Variants in SEMA5A observed in about 807,000 individuals in gnomAD.
SEMA5A encodes the protein semaphorin 5A.
A neutral mutation model predicts 135.5 loss-of-function variants in SEMA5A; 55 were observed. That is an observed-to-expected ratio of 0.41 (90% CI 0.33 to 0.51). The LOEUF is 0.51. Ranked by LOEUF, SEMA5A falls within the 20% of genes least tolerant of loss-of-function variation. The pLI, the probability that SEMA5A is intolerant of heterozygous loss-of-function variation, is 0.37. For missense variants in SEMA5A, 1,290 were observed against 1,419.9 expected (o/e 0.91, Z 1.47); for synonymous variants, 580 against 546.5 (o/e 1.06, Z -0.85).
chr5:9,133,996 G>A (rs999142577), intron 13 of SEMA5A, among the ~76,000 whole-genome samples: 3 of 151,984 alleles, frequency 2.0e-5, no homozygotes, highest in African/African-American at 7.3e-5. Flanking sequence ...AGATCTGATG[G>A]TTTAAAAGTG....
chr5:9,156,061 A>C (rs901751257), intron 11 of SEMA5A, among the ~76,000 whole-genome samples: 2 of 152,210 alleles, frequency 1.3e-5, no homozygotes, highest in African/African-American at 4.8e-5. Flanking sequence ...GATCTTGAGG[A>C]AAGAGCATGT....
At chr5:9,239,809 C>T (rs540779919) in intron 5 of SEMA5A, among the ~76,000 whole-genome samples, 4 of 151,994 alleles carry the variant, frequency 2.6e-5, no homozygotes, top group South Asian at 2.1e-4. Context: ...GAGTCATTCA[C>T]GGTGGCTTTC....
intron 11 of SEMA5A, among the ~76,000 whole-genome samples, chr5:9,170,922 G>C (rs916727859): frequency 3.3e-5 from 5 of 152,092 alleles, no homozygotes; most frequent in African/African-American, 4.8e-5. Flanking sequence ...TTGACATGAA[G>C]CCTACACTCT....
chr5:9,339,204 C>T (rs1359274784), intron 3 of SEMA5A, among the ~76,000 whole-genome samples: 1 of 152,124 alleles, frequency 6.6e-6, no homozygotes, highest in Non-Finnish European at 1.5e-5. Flanking sequence ...GCACTAGTAT[C>T]TTTAAACAGG....
At chr5:9,045,540 A>G (rs1305545682) in intron 21 of SEMA5A, among the ~76,000 whole-genome samples, 1 of 152,218 alleles carries the variant, frequency 6.6e-6, no homozygotes, top group Non-Finnish European at 1.5e-5. Flanking sequence ...AGAGGTAACT[A>G]TTATAAGCAC....
intron 2 of SEMA5A, among the ~76,000 whole-genome samples, chr5:9,425,233 T>G (rs1757606479): frequency 6.6e-6 from 1 of 152,236 alleles, no homozygotes; most frequent in Non-Finnish European, 1.5e-5. Flanking sequence ...GACAATACTT[T>G]TTTTATTTAT....
At chr5:9,437,200 C>T (rs115165798) in intron 2 of SEMA5A, among the ~76,000 whole-genome samples, 5 of 152,262 alleles carry the variant, frequency 3.3e-5, no homozygotes, top group African/African-American at 7.2e-5. Context: ...CACACTGGGG[C>T]GCAGAAGATG....
At chr5:9,454,732 T>A (rs1459430009) in intron 1 of SEMA5A, among the ~76,000 whole-genome samples, 1 of 152,234 alleles carries the variant, frequency 6.6e-6, no homozygotes, top group Non-Finnish European at 1.5e-5. Context: ...AGCAATGTTT[T>A]CCTCTGTATT....
At chr5:9,337,351 T>C (rs1476935837) in intron 4 of SEMA5A, among the ~76,000 whole-genome samples, 2 of 152,166 alleles carry the variant, frequency 1.3e-5, no homozygotes, top group Non-Finnish European at 2.9e-5. Context: ...AGGTCCATCT[T>C]TTCTTAGGCA....
intron 5 of SEMA5A, among the ~76,000 whole-genome samples, chr5:9,256,404 A>G (rs1219277349): frequency 1.3e-5 from 2 of 151,932 alleles, no homozygotes; most frequent in African/African-American, 2.4e-5. Context: ...CCCTCTTCCA[A>G]ACCTTTGTAT....
At chr5:9,075,637 G>T (rs146017353) in intron 16 of SEMA5A, among the ~76,000 whole-genome samples, 2 of 151,404 alleles carry the variant, frequency 1.3e-5, no homozygotes, top group African/African-American at 4.9e-5. Flanking sequence ...GAGACAGAAA[G>T]CAATCAGTGC....
At chr5:9,044,045 T>A (rs1010077203) in intron 22 of SEMA5A, among the ~76,000 whole-genome samples, 1 of 152,198 alleles carries the variant, frequency 6.6e-6, no homozygotes, top group African/African-American at 2.4e-5. Context: ...ATTCCCCAGA[T>A]CTACCATCTG....
Position 9,360,231 on chromosome 5 carries a change from G to C in SEMA5A, c.124+19592C>G, listed in dbSNP as rs113896009. 4.0e-3 allele frequency among the ~76,000 whole-genome samples: 611 copies of C among 152,300 alleles called. 6 individuals carry two copies. Among genetic ancestry groups the C allele is most frequent in the African/African-American group, 0.014 (578 of 41,562 alleles). ...CATCAGGTATGCACACACCTGCAGA[G>C]ATAATGTGTACAGTGTTCTCCAGAG... On this transcript the variant is annotated intron_variant, in intron 3 of 22. Coordinates refer to ENST00000382496, the MANE Select transcript of SEMA5A (RefSeq NM_003966.3).
intron 5 of SEMA5A, among the ~76,000 whole-genome samples, chr5:9,293,317 TAA>T (rs1399061226): frequency 2.0e-5 from 3 of 152,238 alleles, no homozygotes; most frequent in Non-Finnish European, 4.4e-5. Context: ...GCCATCCAGG[TAA>T]CTGCCTCCTT....
chr5:9,197,326 A>AGG (rs1377402766), intron 9 of SEMA5A, 23 bp from the exon 10 acceptor site: 2 of 1,357,506 alleles, frequency 1.5e-6, no homozygotes, highest in African/African-American at 3.0e-5. Flanking sequence ...GGAGAGAGAG[A>AGG]AGGCAGTCAG....
chr5:9,111,819 G>C (rs1168218383), intron 15 of SEMA5A, among the ~76,000 whole-genome samples: 3 of 152,188 alleles, frequency 2.0e-5, no homozygotes, highest in Non-Finnish European at 4.4e-5. Flanking sequence ...TTGTGAGAAA[G>C]TGTTTTCCTC....
chr5:9,507,833 T>A (rs979765040), intron 1 of SEMA5A, among the ~76,000 whole-genome samples: 2 of 151,844 alleles, frequency 1.3e-5, no homozygotes. Flanking sequence ...TGAAACCCCG[T>A]CTCTTCTAAA....
At chr5:9,151,158 G>T (rs187711018) in intron 12 of SEMA5A, among the ~76,000 whole-genome samples, 121 of 152,214 alleles carry the variant, frequency 7.9e-4, no homozygotes, top group Middle Eastern at 3.4e-3. Flanking sequence ...ACAAAATCTA[G>T]CATATTGTCA....
chr5:9,498,084 A>G (rs1735392788), intron 1 of SEMA5A, among the ~76,000 whole-genome samples: 1 of 152,212 alleles, frequency 6.6e-6, no homozygotes, highest in African/African-American at 2.4e-5. Context: ...GATAGTTTAA[A>G]AAAGCCTTCT....
Sources: gnomAD v4.1 joint callset for allele counts (sites outside exome capture counted in the v4.1 genomes callset) on GRCh38, gnomAD v4.1.1 for gene constraint, MANE v1.5 for transcripts, NCBI Gene and HGNC (gene_info 2026-07-23, HGNC 2026-07-21) for gene names.